ANKDD1A: variants seen among roughly 807,000 people sequenced by gnomAD.
ANKDD1A encodes the protein ankyrin repeat and death domain-containing protein 1A.
Under a neutral mutation model 63.5 loss-of-function variants are expected in ANKDD1A, and 59 were observed. The ratio of observed to expected loss-of-function variants is 0.93; its 90% CI spans 0.75 to 1.15. ANKDD1A has a LOEUF of 1.15. ANKDD1A is among the 50% of genes most tolerant of loss of function. The pLI is 0.00. For missense variants in ANKDD1A, 632 were observed against 656.4 expected (o/e 0.96, Z 0.41); for synonymous variants, 266 against 263.9 (o/e 1.01, Z -0.08).
chr15:64,954,167 TTTC>T (rs766935202), intron 14 of ANKDD1A, among the ~76,000 whole-genome samples: 14 of 136,128 alleles, frequency 1.0e-4, no homozygotes, highest in African/African-American at 3.6e-4. Flanking sequence ...TTCTTTCTTC[TTTC>T]TTTTCTTCTT....
chr15:64,944,267 G>A (rs1437768497), intron 11 of ANKDD1A, among the ~76,000 whole-genome samples: 3 of 152,204 alleles, frequency 2.0e-5, no homozygotes, highest in Non-Finnish European at 4.4e-5. Context: ...CTGACCAGAG[G>A]TGGGCAAAAG....
intron 14 of ANKDD1A, chr15:64,950,439 G>A (rs1163843161): frequency 1.0e-6 from 1 of 985,284 alleles, no homozygotes; most frequent in Non-Finnish European, 1.2e-6. Context: ...TCAAAAGCCT[G>A]ATATGGGATT....
At chr15:64,913,974 ATT>A (rs1338974437) in intron 1 of ANKDD1A, 1 of 145,480 alleles carries the variant, frequency 6.9e-6, no homozygotes. Flanking sequence ...ACAAGCAGAG[ATT>A]TTTTTGTTTC....
intron 6 of ANKDD1A, among the ~76,000 whole-genome samples, chr15:64,930,251 A>C (rs2085078596): frequency 8.9e-6 from 1 of 112,254 alleles, no homozygotes; most frequent in Admixed American, 8.9e-5. Flanking sequence ...CAGAACTTAA[A>C]GTAAAATTAA....
intron 12 of ANKDD1A, among the ~76,000 whole-genome samples, chr15:64,946,211 C>T (rs1212791163): frequency 6.6e-6 from 1 of 152,120 alleles, no homozygotes; most frequent in East Asian, 1.9e-4. Flanking sequence ...TTAAGCACTT[C>T]AAATGCTTCT....
intron 14 of ANKDD1A, among the ~76,000 whole-genome samples, chr15:64,953,801 CCTT>C (rs534924030): frequency 6.5e-5 from 8 of 123,724 alleles, no homozygotes; most frequent in East Asian, 2.7e-4. Context: ...CTTTCTTCTT[CCTT>C]TTTTTCTTCT....
chr15:64,921,752 A>T (rs1020182086), intron 3 of ANKDD1A, among the ~76,000 whole-genome samples, 169 bp from the exon 4 acceptor site: 3 of 125,600 alleles, frequency 2.4e-5, no homozygotes, highest in African/African-American at 4.8e-5. Flanking sequence ...GCCTCTATTT[A>T]AAAAAAAAAA....
At chr15:64,930,488 GCTGCCTGGAACAGC>G (rs1228968140) in intron 6 of ANKDD1A, among the ~76,000 whole-genome samples, 6 of 152,218 alleles carry the variant, frequency 3.9e-5, no homozygotes, top group African/African-American at 1.2e-4. Flanking sequence ...GAGCCAAGCA[GCTGCCTGGAACAGC>G]CTGAGCGCAG....
chr15:64,941,963 G>C (rs951152986), intron 9 of ANKDD1A, among the ~76,000 whole-genome samples: 1 of 152,158 alleles, frequency 6.6e-6, no homozygotes, highest in Admixed American at 6.5e-5. Flanking sequence ...GGAGTAGAAA[G>C]TCCAATAAGT....
At chr15:64,943,810 G>A (rs1244264427) in intron 11 of ANKDD1A, 5 of 563,106 alleles carry the variant, frequency 8.9e-6, no homozygotes, top group Non-Finnish European at 1.6e-5. Context: ...CTCTGGTATA[G>A]GCCTGTGAAA....
At chr15:64,936,150 C>T (rs2085130343) in intron 9 of ANKDD1A, among the ~76,000 whole-genome samples, 1 of 151,974 alleles carries the variant, frequency 6.6e-6, no homozygotes, top group African/African-American at 2.4e-5. Flanking sequence ...TATATTTAAA[C>T]TTATTATAAA....
intron 3 of ANKDD1A, chr15:64,919,984 C>T (rs1471006384): frequency 6.6e-6 from 1 of 152,198 alleles, no homozygotes. Context: ...TCAGTGAGTT[C>T]CCTCTGAGTT....
rs576485813 is a variant in ANKDD1A, at chr15:64,956,650, G to A, written c.1484-453G>A. Among the ~76,000 whole-genome samples the A allele has an allele frequency of 1.9e-3, 289 of 152,308 alleles. 1 individual carries two copies. Among genetic ancestry groups the A allele is most frequent in the Admixed American group, 4.7e-3 (72 of 15,306 alleles). ...GGCTCACTGCAACCTCCGTCTCTTGGGTTCAAGCAATTCTCCTGCCTCAGT... is the reference window on the plus strand; with the variant it reads ...GGCTCACTGCAACCTCCGTCTCTTGAGTTCAAGCAATTCTCCTGCCTCAGT... On this transcript the variant is annotated intron_variant, in intron 14 of 14. Coordinates refer to ENST00000319580, the MANE Select transcript of ANKDD1A (RefSeq NM_182703.6).
At position 64,921,972 on chromosome 15, in the gene ANKDD1A, C is replaced by T. The variant is rs1459020026; in HGVS notation, c.319C>T (p.Leu107Phe). 1.9e-6 allele frequency: 3 copies of T among 1,614,072 alleles called. No homozygotes were observed. Among genetic ancestry groups the T allele is most frequent in the Admixed American group, 1.7e-5 (1 of 60,004 alleles). Residue 107 changes from leucine to phenylalanine, a missense_variant, in exon 4 of 15, where the codon CTC (leucine) becomes TTC (phenylalanine). Leu to Phe is a conservative substitution (Grantham distance 22). Transcript: ENST00000319580. Reference sequence around the variant, plus strand: ...TGCCTGGTTCGGCCACTTACGAATCCTCCAGATCTTGGTAAACTCAGGGGC... The same window carrying T: ...TGCCTGGTTCGGCCACTTACGAATCTTCCAGATCTTGGTAAACTCAGGGGC... ...LSAWFGHLRI[L>F]QILVNSGAKI...
At chr15:64,935,621 G>C (rs975128261) in intron 9 of ANKDD1A, among the ~76,000 whole-genome samples, 3 of 152,002 alleles carry the variant, frequency 2.0e-5, no homozygotes, top group Admixed American at 2.0e-4. Context: ...CTTGCAGTGA[G>C]CCGAGATCGC....
Position 64,957,119 on chromosome 15 carries a change from G to A in ANKDD1A, c.1500G>A (p.Ala500=), listed in dbSNP as rs1350861521. The part of the protein sequence containing the change: ...RRDLAGWSTM[A]RSQLTATSAS... ...CTCACCCAGGCTGGAGTACAATGGC[G>A]AGATCTCAGCTCACGGCAACCTCCG... is the stretch of plus-strand genomic sequence containing the variant. Residue 500 remains alanine (A), a synonymous_variant, in exon 15 of 15, where the codon GCG becomes GCA. Transcript: ENST00000319580. 10 of 445,622 alleles carry A rather than the reference G, an allele frequency of 2.2e-5. No individual in the cohort carries two copies. Among genetic ancestry groups the A allele is most frequent in the Admixed American group, 1.9e-4 (8 of 41,114 alleles). 27.6% of individuals were successfully genotyped at this position (445,622 alleles called of 1,614,324 possible). A position where few individuals can be genotyped will look rare whatever the true frequency, so the allele number is the denominator to read the frequency against.
rs887817311 is a variant in ANKDD1A at position 64,927,140 on chromosome 15, T to A, written c.570+141T>A. 2.1e-5 allele frequency: 18 copies of A among 854,322 alleles called. No homozygotes were observed. The South Asian group carries it at 2.9e-4, about 14-fold the overall frequency. 52.9% of individuals were successfully genotyped at this position (854,322 alleles called of 1,614,324 possible). A position where few individuals can be genotyped will look rare whatever the true frequency, so the allele number is the denominator to read the frequency against. On this transcript the variant is annotated intron_variant, in intron 6 of 14. Coordinates refer to ENST00000319580, the MANE Select transcript of ANKDD1A (RefSeq NM_182703.6). ...GGCCCAAAGATGAGAGTGTATTTAG[T>A]GTTCATCCAGCAGGCCCTTCACCAG...
chr15:64,958,220 C>T lies in ANKDD1A; in HGVS notation c.*1032C>T, dbSNP rs186831279. ...GGGGATGTTAGGGCAGTGAAAGGTT[C>T]TGTATGACACTGTGATGGTGGGTAC... On this transcript the variant is annotated 3_prime_UTR_variant, in exon 15 of 15. Transcript: ENST00000319580. 1 of 152,360 alleles carries T rather than the reference C, an allele frequency of 6.6e-6. No homozygotes were observed. Among genetic ancestry groups the T allele is most frequent in the African/African-American group, 2.4e-5 (1 of 41,564 alleles). The allele number at this position is 152,360 out of a possible 1,614,324, so 9.4% of individuals were successfully genotyped here. A position where few individuals can be genotyped will look rare whatever the true frequency, so the allele number is the denominator to read the frequency against.
intron 13 of ANKDD1A, among the ~76,000 whole-genome samples, chr15:64,948,093 T>C (rs2085237927): frequency 6.6e-6 from 1 of 152,222 alleles, no homozygotes; most frequent in East Asian, 1.9e-4. Context: ...AATGGCTAAA[T>C]ATAGAAAATA....
Sources: gnomAD v4.1 joint callset for allele counts (sites outside exome capture counted in the v4.1 genomes callset) on GRCh38, gnomAD v4.1.1 for gene constraint, MANE v1.5 for transcripts, NCBI Gene and HGNC (gene_info 2026-07-23, HGNC 2026-07-21) for gene names.